The following HOXC6 variants were observed in gnomAD, a reference collection of about 807,000 sequenced individuals.
HOXC6 encodes homeobox protein Hox-C6.
In HOXC6, 10 loss-of-function variants were observed where a neutral mutation model predicts 24.0. The ratio of observed to expected loss-of-function variants is 0.42; its 90% CI spans 0.26 to 0.71. The LOEUF (loss-of-function observed/expected upper bound fraction) is 0.71, where lower values mean the gene tolerates loss of function less well. Among genes scored for constraint, HOXC6 ranks in the 30% least tolerant of loss-of-function variants. The pLI is 0.28. For missense variants in HOXC6, 258 were observed against 303.4 expected, an observed-to-expected ratio of 0.85 and a Z score of 1.11; for synonymous variants, 123 against 128.1, an observed-to-expected ratio of 0.96 and a Z score of 0.27.
chr12:54,026,886 G>C (rs59323124), upstream of HOXC6, among the ~76,000 whole-genome samples: 4,129 of 151,820 alleles, frequency 0.027, 194 homozygotes, highest in African/African-American at 0.093. Flanking sequence ...TACACAGAAG[G>C]AAAAGATCAT....
At position 54,023,432 on chromosome 12, in the gene HOXC6, T is replaced by G. The variant is rs190540502; in HGVS notation, c.-192-5144T>G. Among the ~76,000 whole-genome samples the G allele has an allele frequency of 2.7e-3, 418 of 152,120 alleles. 1 individual carries two copies. Among genetic ancestry groups the G allele is most frequent in the Non-Finnish European group, 5.1e-3 (349 of 67,990 alleles). On this transcript the variant is annotated intron_variant, in intron 1 of 2. Transcript: ENST00000394331. Reference sequence around the variant, plus strand: ...GGAAAGAGAGAGGGAGGAGAGGAAATGTGACATGAGTTAGCAGAGCCCTTC... The same window carrying G: ...GGAAAGAGAGAGGGAGGAGAGGAAAGGTGACATGAGTTAGCAGAGCCCTTC...
At chr12:54,021,571 G>C (rs1229801373) in intron 1 of HOXC6, 1 of 152,228 alleles carries the variant, frequency 6.6e-6, no homozygotes, top group African/African-American at 2.4e-5. Flanking sequence ...GGGGTTTTCC[G>C]CTACTCTCTC....
At chr12:54,023,287 T>A (rs2136424560) in intron 1 of HOXC6, among the ~76,000 whole-genome samples, 1 of 152,302 alleles carries the variant, frequency 6.6e-6, no homozygotes, top group African/African-American at 2.4e-5. Context: ...ATTTTACGTT[T>A]TAACCTTAAG....
Position 54,029,644 on chromosome 12 carries a change from C to T in HOXC6, c.401-11C>T, listed in dbSNP as rs776432961. The T allele has an allele frequency of 7.5e-6, 12 of 1,608,114 alleles. No homozygotes were observed. In the South Asian group the frequency reaches 7.7e-5, roughly 10 times the overall value. ...GATTGCTTTTAGTGTGTTTTGTGCC[C>T]GGATCTTTAGGGGTCGGCTACGGAG... On this transcript the variant is annotated splice_polypyrimidine_tract_variant and intron_variant, in intron 1 of 1. Transcript: ENST00000243108.
At chr12:54,029,579 G>A in intron 1 of HOXC6, 76 bp from the exon 2 acceptor site, 3 of 1,492,250 alleles carry the variant, frequency 2.0e-6, no homozygotes, top group Non-Finnish European at 1.8e-6. Context: ...GGAGGGTCAG[G>A]ACTTTGCTAG....
chr12:54,024,196 G>T (rs558378436), upstream of HOXC6, among the ~76,000 whole-genome samples: 13 of 152,278 alleles, frequency 8.5e-5, no homozygotes, highest in Admixed American at 5.2e-4. Context: ...AAAGGGGCCA[G>T]CGGGGCAACC....
rs369651058 is a variant in HOXC6 at position 54,019,576 on chromosome 12, A to G, written c.-193+2162A>G. 1.8e-4 allele frequency among the ~76,000 whole-genome samples: 27 copies of G among 152,224 alleles called. 1 individual carries two copies. The South Asian group carries it at 5.4e-3, about 30-fold the overall frequency. ...TGTGGATGGCCGCTGATGGGGGGGA[A>G]CACAAGTGTCCTTTGTCCGTCCCCG... On this transcript the variant is annotated intron_variant, in intron 1 of 2. Coordinates refer to the HOXC6 transcript ENST00000394331.
At chr12:54,018,177 G>C (rs1940250028) in intron 1 of HOXC6, among the ~76,000 whole-genome samples, 1 of 152,228 alleles carries the variant, frequency 6.6e-6, no homozygotes, top group Non-Finnish European at 1.5e-5. Context: ...GGTGGGGGAT[G>C]CTGTACTCAA....
chr12:54,017,334 G>C (rs966155483), exon 1 of HOXC6: 1 of 152,162 alleles, frequency 6.6e-6, no homozygotes, highest in Non-Finnish European at 1.5e-5. Context: ...CTCGGCAGCG[G>C]CACAGAATGA....
chr12:54,026,964 T>TGGGG (rs71068201), upstream of HOXC6, among the ~76,000 whole-genome samples: 7 of 127,280 alleles, frequency 5.5e-5, no homozygotes, highest in African/African-American at 2.0e-4. Context: ...CCAAAAATGG[T>TGGGG]GGGGGGGGGG....
intron 1 of HOXC6, among the ~76,000 whole-genome samples, chr12:54,018,318 C>T (rs566857089): frequency 3.4e-4 from 52 of 152,334 alleles, no homozygotes; most frequent in Middle Eastern, 3.4e-3. Flanking sequence ...CCACGCATGG[C>T]TGCTCTGGGC....
upstream of HOXC6, among the ~76,000 whole-genome samples, chr12:54,024,906 A>G (rs1940623762): frequency 6.6e-6 from 1 of 152,218 alleles, no homozygotes; most frequent in Non-Finnish European, 1.5e-5. Flanking sequence ...TTTGCATTGG[A>G]GAGGACTGGA....
At chr12:54,023,666 CT>C (rs1940549312), upstream of HOXC6, among the ~76,000 whole-genome samples, 1 of 152,196 alleles carries the variant, frequency 6.6e-6, no homozygotes, top group Admixed American at 6.5e-5. Context: ...AGCCCGGGCC[CT>C]GTCCCCAAAA....
intron 1 of HOXC6, among the ~76,000 whole-genome samples, chr12:54,018,304 C>T (rs562958870): frequency 1.3e-5 from 2 of 152,378 alleles, no homozygotes; most frequent in East Asian, 1.9e-4. Flanking sequence ...GGGATGCCCG[C>T]TCGCCACGCA....
chr12:54,019,653 G>A (rs923180959), intron 1 of HOXC6, among the ~76,000 whole-genome samples: 3 of 152,010 alleles, frequency 2.0e-5, no homozygotes, highest in Non-Finnish European at 2.9e-5. Context: ...GATTCACCTA[G>A]AATATTAGAA....
chr12:54,017,913 C>T (rs1033693551), intron 1 of HOXC6, among the ~76,000 whole-genome samples: 43 of 152,202 alleles, frequency 2.8e-4, no homozygotes, highest in Admixed American at 1.3e-3. Flanking sequence ...GCAGCCCCCT[C>T]CCTCCCAGAG....
At chr12:54,026,205 C>T (rs997305380), upstream of HOXC6, among the ~76,000 whole-genome samples, 11 of 152,284 alleles carry the variant, frequency 7.2e-5, no homozygotes, top group Admixed American at 7.2e-4. Context: ...AGGCTGGGAA[C>T]TCTGAGAGAG....
intron 1 of HOXC6, among the ~76,000 whole-genome samples, chr12:54,018,646 C>T (rs1565734638): frequency 6.6e-6 from 1 of 152,238 alleles, no homozygotes; most frequent in African/African-American, 2.4e-5. Context: ...TGACCCCGCC[C>T]TGCTCCCCGG....
chr12:54,019,188 C>T (rs527758598), intron 1 of HOXC6, among the ~76,000 whole-genome samples: 94 of 140,720 alleles, frequency 6.7e-4, no homozygotes, highest in Non-Finnish European at 1.2e-3. Flanking sequence ...CCCCCCCACC[C>T]CCAGTAGGAC....
Sources: allele counts gnomAD v4.1 joint callset (sites outside exome capture counted in the v4.1 genomes callset), GRCh38; gene constraint gnomAD v4.1.1; transcripts MANE v1.5; gene names NCBI Gene and HGNC (gene_info 2026-07-23, HGNC 2026-07-21).